Variants in ZNF589 observed in about 807,000 individuals in gnomAD.
The protein encoded by ZNF589 is KRAB-zinc finger protein SZF1-1.
Under a neutral mutation model 13.6 loss-of-function variants are expected in ZNF589, and 17 were observed. The observed-to-expected ratio is 1.25, with a 90% CI of 0.86 to 1.88. The LOEUF (loss-of-function observed/expected upper bound fraction) is 1.88. Among genes scored for constraint, ZNF589 ranks in the 40% most tolerant of loss-of-function variants. The pLI, the probability that ZNF589 is intolerant of heterozygous loss-of-function variation, is 0.00. For missense variants in ZNF589, 407 were observed against 434.0 expected (o/e 0.94, Z 0.55); for synonymous variants, 148 against 161.6 (o/e 0.92, Z 0.64).
chr3:48,247,715 G>C (rs1559979650), intron 2 of ZNF589, 38 bp downstream of exon 2: 1 of 1,606,226 alleles, frequency 6.2e-7, no homozygotes, highest in Non-Finnish European at 8.5e-7. Context: ...TGAAATGCTG[G>C]CTCATTTCTC....
chr3:48,249,181 C>T (rs879106104), intron 2 of ZNF589, among the ~76,000 whole-genome samples: 2 of 151,716 alleles, frequency 1.3e-5, no homozygotes, highest in Admixed American at 1.3e-4. Flanking sequence ...CGGCTCACTG[C>T]AACCTCCGCC....
chr3:48,243,270 G>A (rs1334466639), intron 1 of ZNF589, among the ~76,000 whole-genome samples: 2 of 151,114 alleles, frequency 1.3e-5, no homozygotes, highest in Non-Finnish European at 3.0e-5. Flanking sequence ...AACATAGTGA[G>A]ACTTCATCTT....
At chr3:48,250,312 T>C (rs1224890126) in intron 2 of ZNF589, among the ~76,000 whole-genome samples, 3 of 149,146 alleles carry the variant, frequency 2.0e-5, no homozygotes, top group African/African-American at 7.4e-5. Context: ...CTTTCTTTTT[T>C]TTTTTTTTTT....
At chr3:48,253,710 G>C (rs543815669) in intron 2 of ZNF589, among the ~76,000 whole-genome samples, 56 of 151,738 alleles carry the variant, frequency 3.7e-4, no homozygotes, top group African/African-American at 1.3e-3. Context: ...CACCGTGTTA[G>C]CCAGGATGGT....
intron 2 of ZNF589, among the ~76,000 whole-genome samples, chr3:48,252,617 C>CTTTTTT (rs71625863): frequency 1.1e-4 from 11 of 97,302 alleles, no homozygotes; most frequent in East Asian, 5.7e-4. Context: ...AGAATAATAT[C>CTTTTTT]TTTTTTTTTT....
Position 48,247,725 on chromosome 3 carries a change from C to T in ZNF589, c.96+48C>T, listed in dbSNP as rs775414944. On this transcript the variant is annotated intron_variant, in intron 2 of 3. Transcript: ENST00000354698. Reference sequence around the variant, plus strand: ...TTTTCTGAAATGCTGGCTCATTTCTCAGAGAATGGGCTCATCTGTCTTTCT... The same window carrying T: ...TTTTCTGAAATGCTGGCTCATTTCTTAGAGAATGGGCTCATCTGTCTTTCT... The T allele has an allele frequency of 4.4e-6, 7 of 1,595,572 alleles. No homozygotes were observed. In the East Asian group the frequency reaches 1.3e-4, roughly 31 times the overall value.
intron 3 of ZNF589, among the ~76,000 whole-genome samples, chr3:48,265,812 T>C (rs2034013621): frequency 1.3e-5 from 2 of 152,206 alleles, no homozygotes; most frequent in Admixed American, 1.3e-4. Flanking sequence ...TAAGTTCTGA[T>C]GGTCTTTATT....
chr3:48,242,515 G>A (rs972678514), intron 1 of ZNF589, among the ~76,000 whole-genome samples: 30 of 151,948 alleles, frequency 2.0e-4, no homozygotes, highest in Non-Finnish European at 1.6e-4. Flanking sequence ...TGTTGCCCAG[G>A]CTGGTCTCCA....
intron 2 of ZNF589, among the ~76,000 whole-genome samples, chr3:48,255,713 T>A (rs773139406): frequency 2.6e-5 from 4 of 151,588 alleles, no homozygotes; most frequent in Admixed American, 2.6e-4. Context: ...GGTCCCGAAC[T>A]TGTAACCTCA....
chr3:48,263,604 A>G (rs184138693), intron 3 of ZNF589, among the ~76,000 whole-genome samples: 1 of 152,074 alleles, frequency 6.6e-6, no homozygotes, highest in African/African-American at 2.4e-5. Flanking sequence ...AAACAAAAAC[A>G]AAAAAACAGG....
rs1442685688 is a variant in ZNF589, at chr3:48,270,029, A to C, written c.*1243A>C. The C allele has an allele frequency of 2.2e-6, 1 of 457,188 alleles. No homozygotes were observed. Among genetic ancestry groups the C allele is most frequent in the Non-Finnish European group, 4.4e-6 (1 of 227,114 alleles). 28.3% of individuals were successfully genotyped at this position (457,188 alleles called of 1,614,324 possible). A position where few individuals can be genotyped will look rare whatever the true frequency, so the allele number is the denominator to read the frequency against. ...ACAGAGATCTAACTTCTGAGAGCAG[A>C]GGTGTCAAGTGACGGTCCCCTTGGA... On this transcript the variant is annotated 3_prime_UTR_variant, in exon 4 of 4. Coordinates refer to ENST00000354698, the MANE Select transcript of ZNF589 (RefSeq NM_016089.3).
At chr3:48,252,325 G>A (rs2106836659) in intron 2 of ZNF589, among the ~76,000 whole-genome samples, 1 of 151,872 alleles carries the variant, frequency 6.6e-6, no homozygotes, top group Non-Finnish European at 1.5e-5. Flanking sequence ...CCTAGTAGCT[G>A]GAACTACAGG....
At position 48,270,077 on chromosome 3, in the gene ZNF589, A is replaced by T. The variant is rs765883788; in HGVS notation, c.*1291A>T. The stretch of plus-strand genomic sequence containing the variant: ...GGAGGAATGGTCTTTGCATCTGACT[A>T]CTTCCTTCTGCAACTGTGTTCTTCC... On this transcript the variant is annotated 3_prime_UTR_variant, in exon 4 of 4. Coordinates refer to ENST00000354698, the MANE Select transcript of ZNF589 (RefSeq NM_016089.3). 33 of 456,996 alleles carry T rather than the reference A, an allele frequency of 7.2e-5. No homozygotes were observed. Among genetic ancestry groups the T allele is most frequent in the Middle Eastern group, 6.4e-4 (2 of 3,102 alleles). 28.3% of individuals were successfully genotyped at this position (456,996 alleles called of 1,614,324 possible). A position where few individuals can be genotyped will look rare whatever the true frequency, so the allele number is the denominator to read the frequency against.
At position 48,241,132 on chromosome 3, in the gene ZNF589, G is replaced by A. The variant is rs772660923; in HGVS notation, c.-40G>A. 6.2e-7 allele frequency: 1 copy of A among 1,611,084 alleles called. No homozygotes were observed. Among genetic ancestry groups the A allele is most frequent in the Non-Finnish European group, 8.5e-7 (1 of 1,178,766 alleles). On this transcript the variant is annotated 5_prime_UTR_variant, in exon 1 of 4. Coordinates refer to ENST00000354698, the MANE Select transcript of ZNF589 (RefSeq NM_016089.3). ...CATTCTAATCCGTTTCACACACGGTGCTGCTACCTCGTTTGCTTCGTGCGT... is the reference window on the plus strand; with the variant it reads ...CATTCTAATCCGTTTCACACACGGTACTGCTACCTCGTTTGCTTCGTGCGT...
At chr3:48,246,869 T>C (rs1180413427) in intron 1 of ZNF589, among the ~76,000 whole-genome samples, 5 of 151,966 alleles carry the variant, frequency 3.3e-5, no homozygotes, top group African/African-American at 2.4e-5. Context: ...GGGGTTTCAC[T>C]GTGTTAGTCA....
chr3:48,258,099 A>G (rs1406808428), intron 2 of ZNF589: 2 of 286,840 alleles, frequency 7.0e-6, no homozygotes, highest in South Asian at 3.1e-5. Flanking sequence ...TGTTAAATCT[A>G]TAGATCATTT....
chr3:48,245,674 G>A (rs988112199), intron 1 of ZNF589, among the ~76,000 whole-genome samples: 3 of 152,192 alleles, frequency 2.0e-5, no homozygotes, highest in Non-Finnish European at 2.9e-5. Context: ...AAGGCTGGGC[G>A]CGGTGGCTCA....
intron 2 of ZNF589, among the ~76,000 whole-genome samples, chr3:48,249,142 G>A (rs2033805618): frequency 1.4e-5 from 2 of 146,688 alleles, no homozygotes; most frequent in South Asian, 2.1e-4. Context: ...CGCTCTTGTC[G>A]CCCAGGCTGG....
chr3:48,256,669 G>A (rs2033906616), intron 2 of ZNF589: 2 of 1,323,106 alleles, frequency 1.5e-6, no homozygotes, highest in Admixed American at 1.7e-5. Flanking sequence ...GGATGAACTG[G>A]CTAAGCAGCA....
Sources: allele counts gnomAD v4.1 joint callset (sites outside exome capture counted in the v4.1 genomes callset), GRCh38; gene constraint gnomAD v4.1.1; transcripts MANE v1.5; gene names NCBI Gene and HGNC (gene_info 2026-07-23, HGNC 2026-07-21).